MAD1L1: variants seen among roughly 807,000 people sequenced by gnomAD.
The protein encoded by MAD1L1 is mitotic arrest deficient 1 like 1.
In MAD1L1, 95 loss-of-function variants were observed where a neutral mutation model predicts 96.9. The ratio of observed to expected loss-of-function variants is 0.98; its 90% CI spans 0.83 to 1.16. The LOEUF (loss-of-function observed/expected upper bound fraction) is 1.16, where lower values mean the gene tolerates loss of function less well. MAD1L1 is among the 50% of genes most tolerant of loss of function. The probability of loss-of-function intolerance (pLI) is 0.00; values close to 1 mark genes in which losing one functional copy is unlikely to be tolerated. For missense variants in MAD1L1, 1,007 were observed against 954.4 expected (o/e 1.06, Z -0.73); for synonymous variants, 473 against 396.6 (o/e 1.19, Z -2.29).
At chr7:2,026,139 C>T (rs1189154448) in intron 12 of MAD1L1, among the ~76,000 whole-genome samples, 2 of 151,908 alleles carry the variant, frequency 1.3e-5, no homozygotes, top group East Asian at 3.9e-4. Context: ...GTAAAAGGTG[C>T]CAATGCTATT....
At chr7:1,892,739 G>A (rs528937797) in intron 18 of MAD1L1, among the ~76,000 whole-genome samples, 3 of 152,316 alleles carry the variant, frequency 2.0e-5, no homozygotes, top group East Asian at 1.9e-4. Context: ...TGCCGTCCAC[G>A]CCTCTGGCCC....
chr7:2,134,508 G>A (rs1444531334), intron 11 of MAD1L1, among the ~76,000 whole-genome samples: 1 of 152,204 alleles, frequency 6.6e-6, no homozygotes, highest in African/African-American at 2.4e-5. Flanking sequence ...CAGTACGACA[G>A]CGAATAGGAG....
intron 14 of MAD1L1, among the ~76,000 whole-genome samples, chr7:1,995,459 C>A (rs767736521): frequency 6.6e-6 from 1 of 152,182 alleles, no homozygotes; most frequent in African/African-American, 2.4e-5. Context: ...CAGTGAAGCA[C>A]CTGCCTGTGG....
At chr7:2,055,129 GCAGCACAGCGAGGCGGTGCGTGCCACGA>G (rs1390290718) in intron 12 of MAD1L1, among the ~76,000 whole-genome samples, 10 of 152,212 alleles carry the variant, frequency 6.6e-5, no homozygotes, top group Admixed American at 2.0e-4. Flanking sequence ...CACTAGGCAG[GCAGCACAGCGAGGCGGTGCGTGCCACGA>G]CAGCACCAGG....
intron 17 of MAD1L1, among the ~76,000 whole-genome samples, chr7:1,917,836 C>T (rs191144752): frequency 4.4e-4 from 67 of 152,278 alleles, no homozygotes; most frequent in African/African-American, 1.5e-3. Flanking sequence ...CCTGGCTGTG[C>T]CAGGAACATT....
chr7:1,886,316 A>C (rs528883388), intron 18 of MAD1L1, among the ~76,000 whole-genome samples: 8 of 152,332 alleles, frequency 5.3e-5, no homozygotes, highest in African/African-American at 1.7e-4. Flanking sequence ...ATGCCCACTT[A>C]TTCACAAGCC....
chr7:1,835,786 T>TC (rs1490176853), intron 18 of MAD1L1, among the ~76,000 whole-genome samples: 1 of 152,198 alleles, frequency 6.6e-6, no homozygotes, highest in African/African-American at 2.4e-5. Context: ...GACTAACACT[T>TC]ATACTGTATT....
At chr7:2,020,255 G>GC (rs1782727580) in intron 12 of MAD1L1, among the ~76,000 whole-genome samples, 1 of 146,644 alleles carries the variant, frequency 6.8e-6, no homozygotes, top group East Asian at 3.6e-4. Flanking sequence ...CTCCATGATC[G>GC]GGGGGGGCAC....
chr7:2,136,896 G>C (rs1330506850), intron 11 of MAD1L1, among the ~76,000 whole-genome samples: 1 of 152,244 alleles, frequency 6.6e-6, no homozygotes, highest in Non-Finnish European at 1.5e-5. Context: ...TTGGCTCAGA[G>C]CTTACAAAGT....
Position 2,088,633 on chromosome 7 carries a change from G to A in MAD1L1, c.1074-19295C>T, listed in dbSNP as rs1391331156. ...CACTCAGCAGTGGCCATGAGCGAGA[G>A]GCAGCAAGGGGACGGGTGGAGGGAG... On this transcript the variant is annotated intron_variant, in intron 11 of 18. Transcript: ENST00000265854. This position sits in a 1 kb window ranked among gnomAD's most constrained non-coding sequence, Gnocchi z 4.4. Among the ~76,000 whole-genome samples, 9 of 152,242 alleles carry A rather than the reference G, an allele frequency of 5.9e-5. No individual in the cohort carries two copies. Among genetic ancestry groups the A allele is most frequent in the African/African-American group, 1.9e-4 (8 of 41,460 alleles).
At chr7:2,002,810 G>T (rs570238246) in intron 13 of MAD1L1, among the ~76,000 whole-genome samples, 1 of 152,348 alleles carries the variant, frequency 6.6e-6, no homozygotes, top group South Asian at 2.1e-4. Context: ...TGGGGACAGT[G>T]ACCCTGCACC....
intron 16 of MAD1L1, among the ~76,000 whole-genome samples, chr7:1,939,377 C>G (rs979927039): frequency 2.0e-5 from 3 of 152,232 alleles, no homozygotes; most frequent in African/African-American, 7.2e-5. Flanking sequence ...CACACGCACA[C>G]ACACGGGCCA....
At chr7:1,959,980 AT>A (rs1159972087) in intron 15 of MAD1L1, among the ~76,000 whole-genome samples, 1 of 152,208 alleles carries the variant, frequency 6.6e-6, no homozygotes, top group Non-Finnish European at 1.5e-5. Context: ...ACTAATGAAA[AT>A]ATATTGGGGA....
At chr7:1,869,494 G>A (rs543852014) in intron 18 of MAD1L1, among the ~76,000 whole-genome samples, 18 of 151,898 alleles carry the variant, frequency 1.2e-4, no homozygotes, top group African/African-American at 4.3e-4. Context: ...GGGAGCAGGT[G>A]ACCTCCCCAG....
At chr7:2,136,971 T>A (rs1478636606) in intron 11 of MAD1L1, among the ~76,000 whole-genome samples, 1 of 152,208 alleles carries the variant, frequency 6.6e-6, no homozygotes, top group Non-Finnish European at 1.5e-5. Flanking sequence ...AGTCCACTGA[T>A]GATGCCCTGG....
At chr7:2,082,657 G>A (rs117523767) in intron 11 of MAD1L1, among the ~76,000 whole-genome samples, 5,442 of 152,312 alleles carry the variant, frequency 0.036, 127 homozygotes, top group Non-Finnish European at 0.052. Flanking sequence ...ACTGAGGCTT[G>A]CATCAAATTA....
At chr7:1,914,946 G>A (rs1490523952) in intron 17 of MAD1L1, among the ~76,000 whole-genome samples, 1 of 152,214 alleles carries the variant, frequency 6.6e-6, no homozygotes, top group East Asian at 1.9e-4. Flanking sequence ...GTGCTGGTTT[G>A]TCATGGCAGC....
intron 11 of MAD1L1, among the ~76,000 whole-genome samples, chr7:2,145,979 C>A (rs529420651): frequency 9.8e-5 from 15 of 152,304 alleles, no homozygotes; most frequent in Non-Finnish European, 1.9e-4. Flanking sequence ...GTGGGAAGGG[C>A]GCTCTGTTCC....
At chr7:2,041,356 T>C (rs936937066) in intron 12 of MAD1L1, among the ~76,000 whole-genome samples, 1 of 152,134 alleles carries the variant, frequency 6.6e-6, no homozygotes, top group African/African-American at 2.4e-5. Flanking sequence ...AAAACAGGCC[T>C]GTCTCCTAGT....
Sources: allele counts gnomAD v4.1 joint callset (sites outside exome capture counted in the v4.1 genomes callset), GRCh38; gene constraint gnomAD v4.1.1; non-coding constraint Gnocchi (gnomAD v3.1); transcripts MANE v1.5; gene names NCBI Gene and HGNC (gene_info 2026-07-23, HGNC 2026-07-21).